ARG2: variants seen among roughly 807,000 people sequenced by gnomAD.
ARG2 encodes the protein arginase-2, mitochondrial.
In ARG2, 21 loss-of-function variants were observed where a neutral mutation model predicts 39.4. The observed-to-expected ratio is 0.53, with a 90% CI of 0.38 to 0.77. The LOEUF is 0.77. Ranked by LOEUF, ARG2 falls within the 30% of genes least tolerant of loss-of-function variation. The pLI is 0.00. For synonymous variants in ARG2, 150 were observed against 156.7 expected (o/e 0.96, Z 0.32); for missense variants, 378 against 426.2 (o/e 0.89, Z 1.00).
chr14:67,620,189 T>A, intron 1 of ARG2, 101 bp downstream of exon 1: 1 of 608,344 alleles, frequency 1.6e-6, no homozygotes, highest in Non-Finnish European at 2.5e-6. Flanking sequence ...GAGGAGAGGA[T>A]GGGGAGAAAT....
chr14:67,641,091 ACAAT>A (rs2037025198), intron 2 of ARG2, among the ~76,000 whole-genome samples: 1 of 152,226 alleles, frequency 6.6e-6, no homozygotes, highest in South Asian at 2.1e-4. Context: ...GTGATGCCAA[ACAAT>A]CATATTGTCC....
At chr14:67,649,155 G>A (rs909988166) in intron 7 of ARG2, 1 of 152,088 alleles carries the variant, frequency 6.6e-6, no homozygotes, top group Non-Finnish European at 1.5e-5. Context: ...TAGAGCAGGG[G>A]TTAATAACCT....
Position 67,650,951 on chromosome 14 carries a change from A to G in ARG2, c.*31A>G, listed in dbSNP as rs936558225. On this transcript the variant is annotated 3_prime_UTR_variant, in exon 8 of 8. Transcript: ENST00000261783. Reference sequence around the variant, plus strand: ...ACTGTGCACTGACATGTTTCACAACAGGCATTCCAGAATTATGAGGCATTG... The same window carrying G: ...ACTGTGCACTGACATGTTTCACAACGGGCATTCCAGAATTATGAGGCATTG... 1 of 1,599,246 alleles carries G rather than the reference A, an allele frequency of 6.3e-7. No homozygotes were observed.
intron 4 of ARG2, chr14:67,646,383 AGG>A (rs2037098947): frequency 4.4e-6 from 2 of 453,352 alleles, no homozygotes; most frequent in Non-Finnish European, 7.9e-6. Context: ...TCCTGCTACT[AGG>A]TAAGTTAATG....
At chr14:67,636,585 G>A (rs2036974062) in intron 2 of ARG2, among the ~76,000 whole-genome samples, 1 of 152,220 alleles carries the variant, frequency 6.6e-6, no homozygotes, top group African/African-American at 2.4e-5. Context: ...AGGTAAGGCT[G>A]TTTTGATTTC....
chr14:67,628,928 G>A (rs2036892769), intron 2 of ARG2, among the ~76,000 whole-genome samples: 1 of 152,208 alleles, frequency 6.6e-6, no homozygotes, highest in South Asian at 2.1e-4. Context: ...GTGTACCCAT[G>A]TTCACAGCAG....
intron 2 of ARG2, among the ~76,000 whole-genome samples, chr14:67,633,012 G>A (rs912191685): frequency 2.0e-5 from 3 of 151,740 alleles, no homozygotes; most frequent in Admixed American, 6.6e-5. Context: ...AGTAGAGACA[G>A]TGTTTCACCA....
chr14:67,643,762 C>A (rs2037061712), intron 3 of ARG2, among the ~76,000 whole-genome samples: 1 of 147,006 alleles, frequency 6.8e-6, no homozygotes, highest in Non-Finnish European at 1.5e-5. Flanking sequence ...TGATTATTTT[C>A]CCTGAGGTGC....
chr14:67,625,064 C>G (rs1164050567), intron 2 of ARG2, among the ~76,000 whole-genome samples: 1 of 152,004 alleles, frequency 6.6e-6, no homozygotes, highest in Non-Finnish European at 1.5e-5. Context: ...CTAAAATTGT[C>G]CATTCACAAG....
Position 67,642,195 on chromosome 14 carries a change from TA to T in ARG2, c.198del (p.Asp67ThrfsTer5). 6.2e-7 allele frequency: 1 copy of T among 1,613,882 alleles called. No individual in the cohort carries two copies. The highest frequency in any genetic ancestry group is 1.1e-5 in the South Asian group (1 of 91,080). On this transcript the variant is annotated frameshift_variant, in exon 3 of 8. Transcript: ENST00000261783. LOFTEE classifies it high-confidence loss of function. ...CCTCATTTGCTTCCAGGCTGCCACC[TA>T]AAAGACTTTGGAGATTTGAGTTTTA... ...MKRLSSLGCH[L>X]KDFGDLSFTP... is the part of the protein sequence containing the mutation.
intron 2 of ARG2, among the ~76,000 whole-genome samples, chr14:67,640,678 A>C (rs558342841): frequency 6.6e-6 from 1 of 152,330 alleles, no homozygotes; most frequent in South Asian, 2.1e-4. Flanking sequence ...GGACCCTAAG[A>C]ATATAATCTA....
Position 67,650,986 on chromosome 14 carries a change from A to T in ARG2, c.*66A>T. On this transcript the variant is annotated 3_prime_UTR_variant, in exon 8 of 8. Coordinates refer to ENST00000261783, the MANE Select transcript of ARG2 (RefSeq NM_001172.4). ...GAATTATGAGGCATTGAGGGGATAG[A>T]TGAATACTAAATGGTTGTCTGGGTC... 1 of 1,465,600 alleles carries T rather than the reference A, an allele frequency of 6.8e-7. No individual in the cohort carries two copies. Among genetic ancestry groups the T allele is most frequent in the South Asian group, 1.2e-5 (1 of 85,866 alleles). The allele number at this position is 1,465,600 out of a possible 1,614,324, so 90.8% of individuals were successfully genotyped here. A position where few individuals can be genotyped will look rare whatever the true frequency, so the allele number is the denominator to read the frequency against.
Position 67,625,075 on chromosome 14 carries a change from G to C in ARG2, c.184+4109G>C, listed in dbSNP as rs570944878. Among the ~76,000 whole-genome samples the C allele has an allele frequency of 9.2e-5, 14 of 152,154 alleles. No individual in the cohort carries two copies. In the South Asian group the frequency reaches 2.5e-3, roughly 27 times the overall value. ...TTTCCTAAAATTGTCCATTCACAAG[G>C]CTGTCTTTATTTGACCAACACAAGT... On this transcript the variant is annotated intron_variant, in intron 2 of 7. Coordinates refer to ENST00000261783, the MANE Select transcript of ARG2 (RefSeq NM_001172.4).
chr14:67,640,211 C>A (rs1311075254), intron 2 of ARG2, among the ~76,000 whole-genome samples: 1 of 152,092 alleles, frequency 6.6e-6, no homozygotes, highest in African/African-American at 2.4e-5. Context: ...TCTCCTCCTA[C>A]CCCTGCTCTG....
rs114523358 is a variant in ARG2 at position 67,651,469 on chromosome 14, G to A, written c.*549G>A. 4.3e-6 allele frequency: 7 copies of A among 1,613,834 alleles called. No homozygotes were observed. In the African/African-American group the frequency reaches 8.0e-5, roughly 18 times the overall value. On this transcript the variant is annotated 3_prime_UTR_variant, in exon 8 of 8. Coordinates refer to ENST00000261783, the MANE Select transcript of ARG2 (RefSeq NM_001172.4). The stretch of plus-strand genomic sequence containing the variant: ...AGATGATAATGGAAAGCAGCAGCTT[G>A]TTGGTTGTCACTCTACAAAGAGAAG...
intron 2 of ARG2, among the ~76,000 whole-genome samples, 191 bp downstream of exon 2, chr14:67,621,157 T>G (rs1324212718): frequency 6.6e-6 from 1 of 151,792 alleles, no homozygotes; most frequent in Non-Finnish European, 1.5e-5. Flanking sequence ...CAATAAAGAG[T>G]GTGTTGGAAG....
intron 2 of ARG2, among the ~76,000 whole-genome samples, chr14:67,632,823 T>A: frequency 7.7e-6 from 1 of 129,044 alleles, no homozygotes; most frequent in Non-Finnish European, 1.7e-5. Context: ...TTTTTTTTTT[T>A]TTTTTTTTTT....
chr14:67,643,300 T>C (rs186811143), intron 3 of ARG2, among the ~76,000 whole-genome samples: 79 of 152,314 alleles, frequency 5.2e-4, no homozygotes, highest in African/African-American at 1.8e-3. Context: ...AACAAAAATA[T>C]TGAATTCTAC....
In ARG2 at chr14:67,627,256, G is replaced by GATATATATATATATATATAT. The variant is rs3070464; in HGVS notation, c.184+6297_184+6316dup. Among the ~76,000 whole-genome samples, 401 of 133,634 alleles carry GATATATATATATATATATAT rather than the reference G, an allele frequency of 3.0e-3. 1 individual carries two copies. Among genetic ancestry groups the GATATATATATATATATATAT allele is most frequent in the African/African-American group, 8.5e-3 (288 of 33,776 alleles). 87.7% of individuals were successfully genotyped at this position (133,634 alleles called of 152,430 possible). ...ACTAGGCAATTGTGATCAGTAAGGA[G>GATATATATATATATATATAT]ATATATATATATATATATATATATA... On this transcript the variant is annotated intron_variant, in intron 2 of 7. Coordinates refer to ENST00000261783, the MANE Select transcript of ARG2 (RefSeq NM_001172.4).
Sources: allele counts gnomAD v4.1 joint callset (sites outside exome capture counted in the v4.1 genomes callset), GRCh38; gene constraint gnomAD v4.1.1; transcripts MANE v1.5; gene names NCBI Gene and HGNC (gene_info 2026-07-23, HGNC 2026-07-21).